The following IGFBPL1 variants were observed in gnomAD, a reference collection of about 807,000 sequenced individuals.
The protein encoded by IGFBPL1 is insulin-like growth factor-binding protein-like 1.
Under a neutral mutation model 23.9 loss-of-function variants are expected in IGFBPL1, and 20 were observed. That is an observed-to-expected ratio of 0.84 (90% CI 0.59 to 1.22). IGFBPL1 has a LOEUF of 1.22. Ranked by LOEUF, IGFBPL1 falls within the 50% of genes most tolerant of loss-of-function variation. The pLI is 0.00. For synonymous variants in IGFBPL1, 184 were observed against 171.8 expected, an observed-to-expected ratio of 1.07 and a Z score of -0.56; for missense variants, 436 against 379.3, an observed-to-expected ratio of 1.15 and a Z score of -1.24.
At position 38,413,359 on chromosome 9, in the gene IGFBPL1, G is replaced by C; in HGVS notation, c.571-6C>G. On this transcript the variant is annotated splice_region_variant and splice_polypyrimidine_tract_variant and intron_variant, in intron 2 of 4. Transcript: ENST00000377694. ...CCCTCAGGGGACTTCGTGACCTACA[G>C]GGGACAGGAATGCCAGGAGGGGGCT... 1 of 1,588,310 alleles carries C rather than the reference G, an allele frequency of 6.3e-7. No homozygotes were observed. The highest frequency in any genetic ancestry group is 8.6e-7 in the Non-Finnish European group (1 of 1,157,506).
chr9:38,424,094 G>C lies in IGFBPL1; in HGVS notation c.331C>G (p.Arg111Gly). 7.3e-7 allele frequency: 1 copy of C among 1,370,338 alleles called. No individual in the cohort carries two copies. Among genetic ancestry groups the C allele is most frequent in the Non-Finnish European group, 9.4e-7 (1 of 1,064,756 alleles). The allele number at this position is 1,370,338 out of a possible 1,614,324, so 84.9% of individuals were successfully genotyped here. A position where few individuals can be genotyped will look rare whatever the true frequency, so the allele number is the denominator to read the frequency against. Residue 111 changes from arginine to glycine, a missense_variant, in exon 1 of 5, where the codon CGC (arginine) becomes GGC (glycine). Physicochemically the swap from Arg to Gly is moderately radical, Grantham distance 125 (BLOSUM62 -2). Coordinates refer to ENST00000377694, the MANE Select transcript of IGFBPL1 (RefSeq NM_001007563.3). ...CCGTCGGAGCCGCAGACGGTGCCGC[G>C]CTGCGCGCACACGCAGAGCCCGGTG... is the stretch of plus-strand genomic sequence containing the variant. ...EGTGLCVCAQ[R>G]GTVCGSDGRS...
At chr9:38,420,852 A>G (rs1434922982) in intron 1 of IGFBPL1, among the ~76,000 whole-genome samples, 2 of 152,056 alleles carry the variant, frequency 1.3e-5, no homozygotes, top group African/African-American at 2.4e-5. Flanking sequence ...AAAACAAAAC[A>G]AAACAGCCAG....
chr9:38,424,019 G>C lies in IGFBPL1; in HGVS notation c.406C>G (p.Pro136Ala). 7.1e-7 allele frequency: 1 copy of C among 1,405,806 alleles called. No homozygotes were observed. The highest frequency in any genetic ancestry group is 9.2e-7 in the Non-Finnish European group (1 of 1,090,546). 87.1% of individuals were successfully genotyped at this position (1,405,806 alleles called of 1,614,324 possible). ...CALRLRARHT[P>A]RAHPGHLHKA... is the part of the protein sequence containing the mutation. ...TGCAGGTGACCGGGGTGCGCGCGGG[G>C]CGTGTGCCGAGCGCGCAGGCGCAGC... The change falls in exon 1 of 5, where the codon CCC becomes GCC. Residue 136 changes from proline to alanine, a missense_variant. By Grantham distance (27) the Pro-to-Ala change is conservative. Transcript: ENST00000377694.
intron 3 of IGFBPL1, among the ~76,000 whole-genome samples, chr9:38,412,257 C>T (rs756924256): frequency 4.6e-5 from 7 of 152,144 alleles, no homozygotes; most frequent in East Asian, 3.9e-4. Flanking sequence ...TCATGCCAGT[C>T]GTGGGGGAAG....
chr9:38,415,627 C>T (rs1167710587), intron 1 of IGFBPL1, among the ~76,000 whole-genome samples: 2 of 152,176 alleles, frequency 1.3e-5, no homozygotes, highest in Non-Finnish European at 2.9e-5. Context: ...TGTGCCTGAC[C>T]ACGTATGACA....
chr9:38,417,684 C>T (rs1183883169), intron 1 of IGFBPL1, among the ~76,000 whole-genome samples: 12 of 152,094 alleles, frequency 7.9e-5, no homozygotes, highest in Admixed American at 7.9e-4. Context: ...CAAAATCAGC[C>T]AAGGGAAAAA....
At chr9:38,411,308 T>C in intron 4 of IGFBPL1, 83 bp downstream of exon 4, 2 of 1,240,696 alleles carry the variant, frequency 1.6e-6, no homozygotes, top group Non-Finnish European at 2.2e-6. Flanking sequence ...GTATTTTTCT[T>C]CTTTTTTTTA....
intron 1 of IGFBPL1, among the ~76,000 whole-genome samples, chr9:38,417,506 T>G (rs564832238): frequency 1.8e-4 from 28 of 152,246 alleles, no homozygotes; most frequent in African/African-American, 6.5e-4. Context: ...ATCTGTGTGG[T>G]CTCCGATCCA....
intron 3 of IGFBPL1, among the ~76,000 whole-genome samples, chr9:38,412,424 C>T (rs1368669114): frequency 6.6e-6 from 1 of 152,100 alleles, no homozygotes; most frequent in African/African-American, 2.4e-5. Flanking sequence ...CAACATGGAC[C>T]CCTATCTCCT....
At chr9:38,411,290 C>T in intron 4 of IGFBPL1, 101 bp downstream of exon 4, 1 of 1,017,350 alleles carries the variant, frequency 9.8e-7, no homozygotes, top group South Asian at 1.7e-5. Flanking sequence ...CTGGTTTCCT[C>T]CATTTACGTA....
intron 3 of IGFBPL1, among the ~76,000 whole-genome samples, chr9:38,412,877 T>A (rs1821532896): frequency 6.6e-6 from 1 of 152,192 alleles, no homozygotes; most frequent in Non-Finnish European, 1.5e-5. Context: ...TCTTCCACAC[T>A]TAAAGACCCA....
chr9:38,409,525 C>T (rs1821481092), intron 4 of IGFBPL1, among the ~76,000 whole-genome samples: 1 of 152,212 alleles, frequency 6.6e-6, no homozygotes, highest in South Asian at 2.1e-4. Context: ...GCTGGCAATA[C>T]TGTGTGTCAC....
chr9:38,406,672 T>C lies in IGFBPL1; in HGVS notation c.*2555A>G, dbSNP rs1334083995. On this transcript the variant is annotated 3_prime_UTR_variant, in exon 5 of 5. Transcript: ENST00000377694. ...AAATGCTAACAGCTGTGGCAGCGCA[T>C]GCTCTCTTAGCCTCTGAAGAGGTCT... 6.6e-6 allele frequency among the ~76,000 whole-genome samples: 1 copy of C among 152,204 alleles called. No individual in the cohort carries two copies. The highest frequency in any genetic ancestry group is 1.9e-4 in the East Asian group (1 of 5,200).
At chr9:38,419,838 T>A (rs529395780) in intron 1 of IGFBPL1, among the ~76,000 whole-genome samples, 4 of 149,556 alleles carry the variant, frequency 2.7e-5, no homozygotes, top group Admixed American at 6.8e-5. Flanking sequence ...TGCTTTTGCA[T>A]CCTTCTTCTT....
chr9:38,413,576 C>G (rs1460607805), intron 2 of IGFBPL1, among the ~76,000 whole-genome samples: 1 of 152,204 alleles, frequency 6.6e-6, no homozygotes, highest in African/African-American at 2.4e-5. Flanking sequence ...CGAACATCAC[C>G]ACCATCCCAC....
rs1449492102 is a variant in IGFBPL1, at chr9:38,414,128, C to T, written c.536G>A (p.Arg179Lys). The T allele has an allele frequency of 6.2e-7, 1 of 1,612,840 alleles. No individual in the cohort carries two copies. Residue 179 changes from arginine to lysine, a missense_variant, in exon 2 of 5, where the codon AGG (arginine) becomes AAG (lysine). By Grantham distance (26) the Arg-to-Lys change is conservative (BLOSUM62 2). Transcript: ENST00000377694. The part of the protein sequence containing the change: ...GAQVGLSCEV[R>K]AVPTPVITWR... ...CGTGATGACTGGGGTAGGCACAGCC[C>T]TCACTTCACAGGACAGGCCCACCTG...
rs764442126 is a variant in IGFBPL1, at chr9:38,411,506, T to C, written c.731A>G (p.His244Arg). ...RKEDEGVYQC[H>R]AANMVGEAES... ...AGCCTCTCCCACCATGTTGGCTGCA[T>C]GGCACTGGTACACACCCTCATCCTC... The change falls in exon 4 of 5, where the codon CAT (histidine) becomes CGT (arginine). Residue 244 changes from histidine to arginine, a missense_variant. Transcript: ENST00000377694. 50 of 1,614,030 alleles carry C rather than the reference T, an allele frequency of 3.1e-5. No individual in the cohort carries two copies. The East Asian group carries it at 1.0e-3, about 32-fold the overall frequency.
At position 38,424,036 on chromosome 9, in the gene IGFBPL1, AG is replaced by A; in HGVS notation, c.388del (p.Leu130CysfsTer49). The stretch of plus-strand genomic sequence containing the variant: ...CGCGCGGGGCGTGTGCCGAGCGCGC[AG>A]GCGCAGCGCGCAGACGCTGGGGTAC... The part of the protein sequence containing the change: ...RSYPSVCALR[L>X]RARHTPRAHP... On this transcript the variant is annotated frameshift_variant, in exon 1 of 5. Transcript: ENST00000377694. LOFTEE classifies it high-confidence loss of function. 1.4e-6 allele frequency: 2 copies of A among 1,399,356 alleles called. No individual in the cohort carries two copies. The highest frequency in any genetic ancestry group is 1.8e-6 in the Non-Finnish European group (2 of 1,086,108). 86.7% of individuals were successfully genotyped at this position (1,399,356 alleles called of 1,614,324 possible).
intron 1 of IGFBPL1, among the ~76,000 whole-genome samples, chr9:38,418,022 G>A (rs1168861647): frequency 1.3e-5 from 2 of 152,202 alleles, no homozygotes; most frequent in Non-Finnish European, 2.9e-5. Flanking sequence ...GCCTTTCTGA[G>A]GATATGGTCG....
Sources: gnomAD v4.1 joint callset for allele counts (sites outside exome capture counted in the v4.1 genomes callset) on GRCh38, gnomAD v4.1.1 for gene constraint, MANE v1.5 for transcripts, NCBI Gene and HGNC (gene_info 2026-07-23, HGNC 2026-07-21) for gene names.